Variants in ERBB4 observed in about 807,000 individuals in gnomAD.
ERBB4 encodes erb-b2 receptor tyrosine kinase 4, also known as receptor tyrosine-protein kinase erbB-4.
ERBB4 carries 42 observed loss-of-function variants against 158.0 expected under a neutral mutation model. The observed-to-expected ratio is 0.27, with a 90% confidence interval of 0.21 to 0.34. The LOEUF is 0.34. ERBB4 is among the 10% of genes least tolerant of loss of function. The pLI is 1.00. For synonymous variants in ERBB4, 583 were observed against 558.7 expected (o/e 1.04, Z -0.61); for missense variants, 1,333 against 1,624.1 (o/e 0.82, Z 3.08).
intron 4 of ERBB4, among the ~76,000 whole-genome samples, chr2:211,767,062 C>T (rs1312344368): frequency 6.6e-6 from 1 of 152,200 alleles, no homozygotes. Context: ...GGTATTTAAA[C>T]ATCAGAAAAT....
intron 1 of ERBB4, among the ~76,000 whole-genome samples, chr2:212,331,339 C>T (rs926254004): frequency 6.6e-6 from 1 of 150,758 alleles, no homozygotes; most frequent in Non-Finnish European, 1.5e-5. Flanking sequence ...TATATAAAAC[C>T]GAGAATGTCT....
rs118171593 is a variant in ERBB4, at chr2:212,404,562, G to A, written c.82+133887C>T. 6.9e-3 allele frequency among the ~76,000 whole-genome samples: 1,045 copies of A among 152,180 alleles called. 23 individuals carry two copies. The highest frequency in any genetic ancestry group is 0.049 in the Admixed American group (745 of 15,242). Reference sequence around the variant, plus strand: ...TTTTAAAAAGTAAAATACAGAACATGTGAGTTATGGCATGTTAGAGGATGA... The same window carrying A: ...TTTTAAAAAGTAAAATACAGAACATATGAGTTATGGCATGTTAGAGGATGA... On this transcript the variant is annotated intron_variant, in intron 1 of 27. Transcript: ENST00000342788.
intron 20 of ERBB4, among the ~76,000 whole-genome samples, chr2:211,467,847 T>G (rs1333074624): frequency 6.6e-6 from 1 of 152,162 alleles, no homozygotes; most frequent in Non-Finnish European, 1.5e-5. Context: ...AAACCCTAGA[T>G]CAGCATTCAG....
chr2:212,301,452 A>C (rs537943724), intron 1 of ERBB4, among the ~76,000 whole-genome samples: 18 of 151,590 alleles, frequency 1.2e-4, no homozygotes, highest in Middle Eastern at 3.4e-3. Context: ...ACTGTAATAC[A>C]TCTCACAAAT....
chr2:211,684,349 G>T (rs776844445), intron 12 of ERBB4, among the ~76,000 whole-genome samples: 7 of 152,160 alleles, frequency 4.6e-5, no homozygotes, highest in Non-Finnish European at 1.0e-4. Context: ...TACTCAGAAG[G>T]CTGAAGAGGG....
chr2:211,726,308 C>G (rs749710024), intron 5 of ERBB4, among the ~76,000 whole-genome samples: 1 of 152,152 alleles, frequency 6.6e-6, no homozygotes. Context: ...ACTTAGCATA[C>G]TGTCTACCAG....
At chr2:211,616,147 G>A (rs1463847264) in intron 19 of ERBB4, among the ~76,000 whole-genome samples, 2 of 151,986 alleles carry the variant, frequency 1.3e-5, no homozygotes, top group African/African-American at 4.8e-5. Flanking sequence ...TGGCTGGAAG[G>A]ATATGTAGGG....
intron 5 of ERBB4, among the ~76,000 whole-genome samples, chr2:211,741,299 G>A (rs1424737287): frequency 6.6e-6 from 1 of 152,048 alleles, no homozygotes; most frequent in Non-Finnish European, 1.5e-5. Context: ...ATATCTGACT[G>A]TTCTTCTCAA....
chr2:211,683,646 G>T (rs903909435), intron 12 of ERBB4, among the ~76,000 whole-genome samples: 1 of 151,748 alleles, frequency 6.6e-6, no homozygotes, highest in Admixed American at 6.6e-5. Context: ...ATAAACATTT[G>T]TGTATATGAT....
At chr2:212,332,565 ATAAT>A (rs1396717177) in intron 1 of ERBB4, among the ~76,000 whole-genome samples, 2 of 152,088 alleles carry the variant, frequency 1.3e-5, no homozygotes, top group East Asian at 3.9e-4. Flanking sequence ...TTTAAAATCT[ATAAT>A]TAATTAATAT....
intron 19 of ERBB4, among the ~76,000 whole-genome samples, chr2:211,587,826 A>T (rs1201951424): frequency 6.6e-6 from 1 of 152,226 alleles, no homozygotes; most frequent in Non-Finnish European, 1.5e-5. Flanking sequence ...TAAAAATTAC[A>T]GATGTATTTA....
At chr2:211,533,695 GATT>G (rs2066565859) in intron 20 of ERBB4, among the ~76,000 whole-genome samples, 1 of 151,966 alleles carries the variant, frequency 6.6e-6, no homozygotes, top group African/African-American at 2.4e-5. Context: ...GGTAAATCTA[GATT>G]ATTTTTAGGG....
intron 25 of ERBB4, among the ~76,000 whole-genome samples, chr2:211,400,780 T>C (rs72947693): frequency 0.031 from 4,638 of 151,196 alleles, 103 homozygotes; most frequent in East Asian, 0.089. Flanking sequence ...TAAAAACATA[T>C]AACTGGATTG....
At chr2:211,895,300 A>G (rs2079069299) in intron 3 of ERBB4, among the ~76,000 whole-genome samples, 1 of 152,158 alleles carries the variant, frequency 6.6e-6, no homozygotes, top group Non-Finnish European at 1.5e-5. Context: ...TCCGTCACCC[A>G]GGCGGGAGAG....
In ERBB4 at chr2:211,855,725, T is replaced by C. The variant is rs201547209; in HGVS notation, c.422-67566A>G. Among the ~76,000 whole-genome samples the C allele has an allele frequency of 2.3e-4, 35 of 152,284 alleles. No individual in the cohort carries two copies. The East Asian group carries it at 6.4e-3, about 28-fold the overall frequency. ...CTTTATGATGAGTCTTAATATCCAG[T>C]AGTTTTAGTCCCCCAAATTTGATCT... On this transcript the variant is annotated intron_variant, in intron 3 of 27. Transcript: ENST00000342788.
chr2:212,203,292 GT>G (rs1289864416), intron 1 of ERBB4, among the ~76,000 whole-genome samples: 1 of 152,102 alleles, frequency 6.6e-6, no homozygotes, highest in Non-Finnish European at 1.5e-5. Context: ...CTATACAGGT[GT>G]AAGAGGAAAG....
intron 12 of ERBB4, among the ~76,000 whole-genome samples, chr2:211,693,058 T>A (rs866958049): frequency 7.2e-5 from 11 of 152,316 alleles, no homozygotes; most frequent in African/African-American, 2.4e-4. Context: ...TGTTGTTAAC[T>A]CTTATATACC....
At chr2:212,006,818 AT>A (rs1559302024) in intron 2 of ERBB4, among the ~76,000 whole-genome samples, 3 of 152,018 alleles carry the variant, frequency 2.0e-5, no homozygotes. Context: ...AAAGAATTCC[AT>A]TGTCAATGTA....
intron 1 of ERBB4, among the ~76,000 whole-genome samples, chr2:212,427,999 GAAT>G (rs2091951312): frequency 6.6e-6 from 1 of 152,110 alleles, no homozygotes; most frequent in African/African-American, 2.4e-5. Flanking sequence ...AACTGAGAAA[GAAT>G]AATAATGTCT....
Sources: gnomAD v4.1 joint callset for allele counts (sites outside exome capture counted in the v4.1 genomes callset) on GRCh38, gnomAD v4.1.1 for gene constraint, MANE v1.5 for transcripts, NCBI Gene and HGNC (gene_info 2026-07-23, HGNC 2026-07-21) for gene names.